Variants in POLQ observed in about 807,000 individuals in gnomAD.
The protein encoded by POLQ is DNA polymerase theta, also known as epididymis secretory sperm binding protein.
In POLQ, 233 loss-of-function variants were observed where a neutral mutation model predicts 259.2. That is an observed-to-expected ratio of 0.90 (90% CI 0.81 to 1.00). The LOEUF (loss-of-function observed/expected upper bound fraction) is 1.00, where lower values mean the gene tolerates loss of function less well. Ranked by LOEUF, POLQ falls within the 50% of genes least tolerant of loss-of-function variation. The pLI, the probability that POLQ is intolerant of heterozygous loss-of-function variation, is 0.00. For synonymous variants in POLQ, 1,025 were observed against 1,048.8 expected (o/e 0.98, Z 0.44); for missense variants, 2,871 against 3,051.6 (o/e 0.94, Z 1.39).
intron 15 of POLQ, among the ~76,000 whole-genome samples, chr3:121,491,346 C>CAAAAAAAAAAAAAAAAAAAAAA (rs3045625): frequency 1.5e-4 from 12 of 77,970 alleles, no homozygotes; most frequent in Non-Finnish European, 2.5e-4. Context: ...GAGACTGTCA[C>CAAAAAAAAAAAAAAAAAAAAAA]AAAAAAAAAA....
chr3:121,529,924 C>A, intron 6 of POLQ, 132 bp from the exon 7 acceptor site: 5 of 586,454 alleles, frequency 8.5e-6, no homozygotes, highest in South Asian at 5.3e-5. Context: ...GTTACAAAGT[C>A]AATAACAAAA....
At chr3:121,513,332 G>A (rs1246348235) in intron 9 of POLQ, among the ~76,000 whole-genome samples, 2 of 151,870 alleles carry the variant, frequency 1.3e-5, no homozygotes, top group African/African-American at 2.4e-5. Flanking sequence ...AGCCAGGCGC[G>A]GTGGCTCACA....
Position 121,545,155 on chromosome 3 carries a change from G to A in POLQ, c.164-249C>T, listed in dbSNP as rs114619601. 5.3e-3 allele frequency among the ~76,000 whole-genome samples: 800 copies of A among 152,302 alleles called. 11 individuals are homozygous for A. The highest frequency in any genetic ancestry group is 0.017 in the African/African-American group (687 of 41,570). On this transcript the variant is annotated intron_variant, in intron 1 of 29. Coordinates refer to ENST00000264233, the MANE Select transcript of POLQ (RefSeq NM_199420.4). ...AAGCGTGCAATACACAGTAGATAAA[G>A]AGTGTTGGAATTACGGGTGTAGTTG...
rs537447294 is a variant in POLQ at position 121,459,947 on chromosome 3, T to C, written c.7152+103A>G. ...GAACTGTGCTTTGAAAGATCCAAAG[T>C]TGGAGAAACTGTTTCTCAGCTGCAA... On this transcript the variant is annotated intron_variant, in intron 25 of 29. Coordinates refer to ENST00000264233, the MANE Select transcript of POLQ (RefSeq NM_199420.4). 21 of 851,520 alleles carry C rather than the reference T, an allele frequency of 2.5e-5. No homozygotes were observed. In the African/African-American group the frequency reaches 3.5e-4, roughly 14 times the overall value. 52.7% of individuals were successfully genotyped at this position (851,520 alleles called of 1,614,324 possible).
chr3:121,495,022 A>G, intron 14 of POLQ: 2 of 554,724 alleles, frequency 3.6e-6, no homozygotes, highest in Non-Finnish European at 3.1e-6. Context: ...CTGTAATCCC[A>G]GCACTTTGGA....
intron 15 of POLQ, among the ~76,000 whole-genome samples, chr3:121,491,797 A>C (rs2048070791): frequency 6.6e-6 from 1 of 151,990 alleles, no homozygotes; most frequent in Non-Finnish European, 1.5e-5. Flanking sequence ...AGGGGTCCTC[A>C]ACCCCCGAGA....
At position 121,472,107 on chromosome 3, in the gene POLQ, T is replaced by C. The variant is rs1003440675; in HGVS notation, c.6601A>G (p.Arg2201Gly). The C allele has an allele frequency of 6.3e-7, 1 of 1,576,418 alleles. No homozygotes were observed. The highest frequency in any genetic ancestry group is 8.7e-7 in the Non-Finnish European group (1 of 1,150,312). The change falls in exon 22 of 30, where the codon AGA becomes GGA. Residue 2201 changes from arginine (R) to glycine (G), a missense_variant. This residue lies in a region of POLQ where 2,080 missense variants were observed against 2,126.0 expected (regional missense o/e 0.98). Transcript: ENST00000264233. ...TTGGTAATAGCATTAGTGATTCTTCTCCATTCTAATATCAAGCCTGGTAAA... is the reference window on the plus strand; with the variant it reads ...TTGGTAATAGCATTAGTGATTCTTCCCCATTCTAATATCAAGCCTGGTAAA... ...HPLPGLILEW[R>G]RITNAITKVV...
chr3:121,478,054 T>C (rs1180154316), intron 19 of POLQ, among the ~76,000 whole-genome samples: 1 of 152,108 alleles, frequency 6.6e-6, no homozygotes, highest in Non-Finnish European at 1.5e-5. Context: ...CTAGCCTGCA[T>C]CCATAGCCAT....
chr3:121,516,655 C>T (rs1460024534), intron 9 of POLQ, among the ~76,000 whole-genome samples: 1 of 152,158 alleles, frequency 6.6e-6, no homozygotes, highest in East Asian at 1.9e-4. Flanking sequence ...GCACCATCAT[C>T]CTATACTAGA....
At chr3:121,452,395 C>T (rs2047685839) in intron 25 of POLQ, among the ~76,000 whole-genome samples, 1 of 152,122 alleles carries the variant, frequency 6.6e-6, no homozygotes, top group Non-Finnish European at 1.5e-5. Context: ...GGAGCTGTTC[C>T]AATTCGGCCA....
intron 5 of POLQ, among the ~76,000 whole-genome samples, 159 bp downstream of exon 5, chr3:121,536,941 G>A (rs2048455620): frequency 6.6e-6 from 1 of 152,134 alleles, no homozygotes. Context: ...ACCATGCCTG[G>A]ACTGACTTCT....
At chr3:121,533,902 C>CA (rs1370622138) in intron 5 of POLQ, among the ~76,000 whole-genome samples, 1 of 134,608 alleles carries the variant, frequency 7.4e-6, no homozygotes, top group South Asian at 2.7e-4. Context: ...ATGTGGATAC[C>CA]CTTTTTTTTT....
At chr3:121,433,408 C>T (rs2108771166) in intron 28 of POLQ, among the ~76,000 whole-genome samples, 1 of 152,306 alleles carries the variant, frequency 6.6e-6, no homozygotes, top group African/African-American at 2.4e-5. Context: ...CCCAGGAAAG[C>T]AAACTAATAT....
intron 16 of POLQ, 55 bp from the exon 17 acceptor site, chr3:121,485,239 T>G: frequency 1.7e-6 from 2 of 1,204,520 alleles, no homozygotes; most frequent in Non-Finnish European, 2.3e-6. Context: ...AGACATTACA[T>G]AAATTGTTAA....
chr3:121,501,621 CA>C (rs2048169049), intron 12 of POLQ, among the ~76,000 whole-genome samples: 1 of 139,362 alleles, frequency 7.2e-6, no homozygotes, highest in Non-Finnish European at 1.5e-5. Context: ...GAGATCCCGC[CA>C]CTGCACTCCA....
Position 121,488,699 on chromosome 3 carries a change from GTCAGGATA to G in POLQ, c.4224_4231del (p.Ile1409SerfsTer23). On this transcript the variant is annotated frameshift_variant, in exon 16 of 30. Coordinates refer to ENST00000264233, the MANE Select transcript of POLQ (RefSeq NM_199420.4). LOFTEE classifies it high-confidence loss of function. ...AGAATGGAAAATCGGGCTTTCTGGA[GTCAGGATA>G]TCAACCCCATGTGAATCACTGCTTT... The G allele has an allele frequency of 6.2e-7, 1 of 1,613,466 alleles. No homozygotes were observed.
chr3:121,539,285 C>G, intron 4 of POLQ, 148 bp downstream of exon 4: 2 of 624,316 alleles, frequency 3.2e-6, no homozygotes, highest in Non-Finnish European at 5.5e-6. Flanking sequence ...ACACAGCGTT[C>G]CTAACATTAC....
At chr3:121,524,075 G>A (rs2048356085) in intron 7 of POLQ, among the ~76,000 whole-genome samples, 2 of 152,088 alleles carry the variant, frequency 1.3e-5, no homozygotes, top group Admixed American at 1.3e-4. Flanking sequence ...TCATAGACCA[G>A]GCTCCAGTCC....
Position 121,489,160 on chromosome 3 carries a change from A to T in POLQ, c.3771T>A (p.Asp1257Glu). ...TGGGTATCACAGTTCTGCTTATATC[A>T]TCTCCTAATGCCTGAAAATGACTTG... ...NKPSHFQALG[D>E]DISRTVIPSE... is the part of the protein sequence containing the mutation. The change falls in exon 16 of 30, where the codon GAT becomes GAA. Residue 1257 changes from aspartate to glutamate, a missense_variant. Physicochemically the swap from Asp to Glu is conservative, Grantham distance 45. Coordinates refer to ENST00000264233, the MANE Select transcript of POLQ (RefSeq NM_199420.4). 1 of 1,613,528 alleles carries T rather than the reference A, an allele frequency of 6.2e-7. No individual in the cohort carries two copies. The highest frequency in any genetic ancestry group is 8.5e-7 in the Non-Finnish European group (1 of 1,179,884).
Sources: gnomAD v4.1 joint callset for allele counts (sites outside exome capture counted in the v4.1 genomes callset) on GRCh38, gnomAD v4.1.1 for gene constraint, gnomAD v4.1.1 regional missense constraint, MANE v1.5 for transcripts, NCBI Gene and HGNC (gene_info 2026-07-23, HGNC 2026-07-21) for gene names.